Variants in SPEG observed in about 807,000 individuals in gnomAD.
SPEG encodes the protein striated muscle enriched protein kinase.
SPEG carries 114 observed loss-of-function variants against 300.4 expected under a neutral mutation model. That is an observed-to-expected ratio of 0.38 (90% CI 0.33 to 0.44). SPEG has a LOEUF of 0.44. Ranked by LOEUF, SPEG falls within the 20% of genes least tolerant of loss-of-function variation. The probability of loss-of-function intolerance (pLI) is 1.00; values close to 1 mark genes in which losing one functional copy is unlikely to be tolerated. For synonymous variants in SPEG, 1,964 were observed against 2,018.9 expected (o/e 0.97, Z 0.73); for missense variants, 4,201 against 4,586.2 (o/e 0.92, Z 2.43).
intron 1 of SPEG, chr2:219,441,371 C>G (rs1688904569): frequency 2.7e-6 from 1 of 368,430 alleles, no homozygotes; most frequent in South Asian, 2.0e-5. Flanking sequence ...AAAGCCCTCT[C>G]TGGCTTTCTT....
In SPEG at chr2:219,434,884, C is replaced by T. The variant is rs971041887; in HGVS notation, c.-94C>T. The T allele has an allele frequency of 1.9e-5, 16 of 837,168 alleles. No individual in the cohort carries two copies. The highest frequency in any genetic ancestry group is 2.8e-5 in the Non-Finnish European group (16 of 579,772). 51.9% of individuals were successfully genotyped at this position (837,168 alleles called of 1,614,324 possible). On this transcript the variant is annotated 5_prime_UTR_variant, in exon 1 of 41. Coordinates refer to ENST00000312358, the MANE Select transcript of SPEG (RefSeq NM_005876.5). ...GGGCGGGCAGCAGGAAGGCAGGCCGCCGGCCCCCCAGACTTGTCTCCTAGG... is the reference window on the plus strand; with the variant it reads ...GGGCGGGCAGCAGGAAGGCAGGCCGTCGGCCCCCCAGACTTGTCTCCTAGG...
At chr2:219,461,092 C>T (rs543652078) in intron 6 of SPEG, 27 of 902,570 alleles carry the variant, frequency 3.0e-5, no homozygotes, top group South Asian at 1.5e-4. Flanking sequence ...ATTTGGCAGT[C>T]GGATAGGAGC....
rs1690437714 is a variant in SPEG, at chr2:219,459,191, G to T, written c.2441-2691G>T. 6.6e-6 allele frequency among the ~76,000 whole-genome samples: 1 copy of T among 152,252 alleles called. No homozygotes were observed. Among genetic ancestry groups the T allele is most frequent in the African/African-American group, 2.4e-5 (1 of 41,474 alleles). ...AGTGTGAAGGGGCGGTACTTCCGTG[G>T]TGGGTTGTTCGGGGCCATTGAGTGT... On this transcript the variant is annotated intron_variant, in intron 6 of 40. Coordinates refer to ENST00000312358, the MANE Select transcript of SPEG (RefSeq NM_005876.5). The surrounding 1 kb of genome is among the most constrained non-coding windows in gnomAD (Gnocchi z 4.9).
At chr2:219,474,113 C>A (rs1208004136) in intron 18 of SPEG, 2 of 555,662 alleles carry the variant, frequency 3.6e-6, no homozygotes, top group East Asian at 3.0e-5. Context: ...CGCGGTGGCT[C>A]ACACCTGTAA....
In SPEG at chr2:219,488,714, C is replaced by T. The variant is rs756090957; in HGVS notation, c.8026+49C>T. The T allele has an allele frequency of 5.0e-6, 8 of 1,606,778 alleles. No individual in the cohort carries two copies. In the East Asian group the frequency reaches 1.6e-4, roughly 31 times the overall value. On this transcript the variant is annotated intron_variant, in intron 33 of 40. Coordinates refer to ENST00000312358, the MANE Select transcript of SPEG (RefSeq NM_005876.5). ...GGGGGTAGTGATGGGGATGGTGGGA[C>T]AGGGCTTGAGGGGTTCTTAGCTAGG...
rs151308547 is a variant in SPEG, at chr2:219,449,742, T to C, written c.2113+471T>C. Among the ~76,000 whole-genome samples the C allele has an allele frequency of 2.8e-3, 424 of 152,256 alleles. 2 individuals are homozygous for C. The highest frequency in any genetic ancestry group is 4.7e-3 in the Non-Finnish European group (321 of 68,002). On this transcript the variant is annotated intron_variant, in intron 4 of 40. Coordinates refer to ENST00000312358, the MANE Select transcript of SPEG (RefSeq NM_005876.5). ...ACAGACACGCTTTGTGCCAGATAAC[T>C]CTTTACTCTGCCTCTCCCACCCGGG... is the stretch of plus-strand genomic sequence containing the variant.
Position 219,481,409 on chromosome 2 carries a change from C to T in SPEG, c.5475C>T (p.Ser1825=), listed in dbSNP as rs1692827878. Residue 1825 remains serine (S), a synonymous_variant, in exon 27 of 41, where the codon AGC becomes AGT. Transcript: ENST00000312358. The surrounding 1 kb of genome is among the most constrained non-coding windows in gnomAD (Gnocchi z 5.4). The part of the protein sequence containing the change: ...AFEETTFLSL[S]REARGFLIKV... ...AGGAGACCACATTCCTGAGCCTGAG[C>T]AGGGAGGCCCGGGGCTTCCTCATCA... The T allele has an allele frequency of 6.2e-7, 1 of 1,614,186 alleles. No homozygotes were observed. The highest frequency in any genetic ancestry group is 2.2e-5 in the East Asian group (1 of 44,884).
rs4674403 is a variant in SPEG, at chr2:219,480,395, T to G, written c.5342+255T>G. On this transcript the variant is annotated intron_variant, in intron 25 of 40. Coordinates refer to ENST00000312358, the MANE Select transcript of SPEG (RefSeq NM_005876.5). This position sits in a 1 kb window ranked among gnomAD's most constrained non-coding sequence, Gnocchi z 5.3. ...TGGAAGCCGGGCCTTCCCCTCAGCA[T>G]TCAGCCTGCCTCCTCCAGTAAGGCA... is the stretch of plus-strand genomic sequence containing the variant. Among the ~76,000 whole-genome samples the G allele has an allele frequency of 0.58, 88,517 of 151,614 alleles. 28,487 individuals carry two copies. Among genetic ancestry groups the G allele is most frequent in the East Asian group, 0.84 (4,277 of 5,112 alleles).
At chr2:219,449,767 G>A (rs1257633093) in intron 4 of SPEG, among the ~76,000 whole-genome samples, 1 of 152,112 alleles carries the variant, frequency 6.6e-6, no homozygotes, top group Non-Finnish European at 1.5e-5. Context: ...TCCCACCCGG[G>A]CACCATCCCC....
chr2:219,456,114 T>C (rs1352181901), intron 6 of SPEG, among the ~76,000 whole-genome samples: 1 of 152,226 alleles, frequency 6.6e-6, no homozygotes, highest in Non-Finnish European at 1.5e-5. Context: ...GGAGGGCAAG[T>C]TGGACACTTG....
At position 219,434,845 on chromosome 2, in the gene SPEG, C is replaced by G. The variant is rs1954670428; in HGVS notation, c.-133C>G. On this transcript the variant is annotated 5_prime_UTR_variant, in exon 1 of 41. Transcript: ENST00000312358. ...GCCGCCCCGGTGACCTTCTGGGTAG[C>G]ACAGGCCGAAGGCGGGCGGGCAGCA... is the stretch of plus-strand genomic sequence containing the variant. The G allele has an allele frequency of 3.3e-6, 2 of 599,046 alleles. No individual in the cohort carries two copies. Among genetic ancestry groups the G allele is most frequent in the South Asian group, 4.6e-5 (2 of 43,042 alleles). 37.1% of individuals were successfully genotyped at this position (599,046 alleles called of 1,614,324 possible).
chr2:219,441,979 C>T, intron 1 of SPEG: 1 of 382,740 alleles, frequency 2.6e-6, no homozygotes, highest in Non-Finnish European at 4.3e-6. Flanking sequence ...GCCCCCGGCC[C>T]CGCCTCCGAC....
In SPEG at chr2:219,490,791, G is replaced by T. The variant is rs373312375; in HGVS notation, c.9220G>T (p.Asp3074Tyr). The T allele has an allele frequency of 1.2e-6, 2 of 1,613,988 alleles. No individual in the cohort carries two copies. Among genetic ancestry groups the T allele is most frequent in the Non-Finnish European group, 8.5e-7 (1 of 1,180,040 alleles). The change falls in exon 38 of 41, where the codon GAC (aspartate) becomes TAC (tyrosine). Residue 3074 changes from aspartate to tyrosine, a missense_variant. Asp to Tyr is a radical substitution (Grantham distance 160). Coordinates refer to ENST00000312358, the MANE Select transcript of SPEG (RefSeq NM_005876.5). ...TYMVQLLQGL[D>Y]YLHGHHVLHL... ...CATGGTGCAGCTGCTACAAGGCCTG[G>T]ACTACCTCCACGGCCACCACGTGCT...
Position 219,435,012 on chromosome 2 carries a change from C to A in SPEG, c.35C>A (p.Ala12Glu), listed in dbSNP as rs1446360847. 4.7e-6 allele frequency: 7 copies of A among 1,503,710 alleles called. No individual in the cohort carries two copies. The highest frequency in any genetic ancestry group is 1.4e-5 in the African/African-American group (1 of 69,008). The allele number at this position is 1,503,710 out of a possible 1,614,324, so 93.1% of individuals were successfully genotyped here. A position where few individuals can be genotyped will look rare whatever the true frequency, so the allele number is the denominator to read the frequency against. The change falls in exon 1 of 41, where the codon GCG becomes GAG. Residue 12 changes from alanine to glutamate, a missense_variant. Ala to Glu is a moderately radical substitution (Grantham distance 107, BLOSUM62 -1). Around this residue, in one of 4 missense-constraint regions of SPEG, gnomAD observed 1,258 missense variants for 1,293.9 expected, o/e 0.97. Transcript: ENST00000312358. Reference protein sequence around the residue: ...QKARGTRGEDAGTRAPPSPGV... With the variant: ...QKARGTRGEDEGTRAPPSPGV... ...GCCCGGGGCACGCGAGGCGAGGATG[C>A]GGGCACGAGGGCACCCCCCAGCCCC...
In SPEG at chr2:219,489,510, C is replaced by G. The variant is rs769946258; in HGVS notation, c.8492C>G (p.Ala2831Gly). The change falls in exon 36 of 41, where the codon GCC (alanine) becomes GGC (glycine). Residue 2831 changes from alanine to glycine, a missense_variant. Transcript: ENST00000312358. ...TCTCCCCCCACACCTCCTAGCCAGG[C>G]CTTGTCCTCGCTCAAGGCTGTGGGT... The part of the protein sequence containing the change: ...PSSPPTPPSQ[A>G]LSSLKAVGPP... 6.2e-7 allele frequency: 1 copy of G among 1,612,344 alleles called. No individual in the cohort carries two copies. The highest frequency in any genetic ancestry group is 2.2e-5 in the East Asian group (1 of 44,806).
chr2:219,467,411 C>A lies in SPEG; in HGVS notation c.3119C>A (p.Thr1040Asn). Reference protein sequence around the residue: ...SVHEDDSGVYTCKLSTAKDEL... With the variant: ...SVHEDDSGVYNCKLSTAKDEL... ...CATGAGGACGACAGTGGCGTCTACA[C>A]CTGCAAGCTCAGCACGGCCAAAGGT... The change falls in exon 10 of 41, where the codon ACC (threonine) becomes AAC (asparagine). Residue 1040 changes from threonine to asparagine, a missense_variant. Coordinates refer to ENST00000312358, the MANE Select transcript of SPEG (RefSeq NM_005876.5). The A allele has an allele frequency of 6.2e-7, 1 of 1,608,502 alleles. No homozygotes were observed. Among genetic ancestry groups the A allele is most frequent in the Non-Finnish European group, 8.5e-7 (1 of 1,177,210 alleles).
At position 219,493,075 on chromosome 2, in the gene SPEG, C is replaced by T. The variant is rs1036060790; in HGVS notation, c.*289C>T. On this transcript the variant is annotated 3_prime_UTR_variant, in exon 41 of 41. Coordinates refer to ENST00000312358, the MANE Select transcript of SPEG (RefSeq NM_005876.5). The stretch of plus-strand genomic sequence containing the variant: ...TGGAGAAGTGGAGAGGAAAAGGAAT[C>T]GAGGGACAGGAAGGGGGAGGCTCTA... 26 of 656,120 alleles carry T rather than the reference C, an allele frequency of 4.0e-5. No homozygotes were observed. The highest frequency in any genetic ancestry group is 8.9e-5 in the African/African-American group (5 of 56,228). 40.6% of individuals were successfully genotyped at this position (656,120 alleles called of 1,614,324 possible).
chr2:219,466,007 A>T (rs1243737777), intron 9 of SPEG: 1 of 1,541,430 alleles, frequency 6.5e-7, no homozygotes. Context: ...GCGTGCGCGT[A>T]TGCTGCACTA....
In SPEG at chr2:219,443,296, C is replaced by T. The variant is rs1035366956; in HGVS notation, c.389-1357C>T. 3.0e-5 allele frequency: 26 copies of T among 853,968 alleles called. No individual in the cohort carries two copies. The highest frequency in any genetic ancestry group is 2.1e-4 in the African/African-American group (13 of 60,558). The allele number at this position is 853,968 out of a possible 1,614,324, so 52.9% of individuals were successfully genotyped here. A position where few individuals can be genotyped will look rare whatever the true frequency, so the allele number is the denominator to read the frequency against. On this transcript the variant is annotated intron_variant, in intron 1 of 40. Coordinates refer to ENST00000312358, the MANE Select transcript of SPEG (RefSeq NM_005876.5). This position sits in a 1 kb window ranked among gnomAD's most constrained non-coding sequence, Gnocchi z 4.6. ...CCCCCACACTTATCTACCACCCACC[C>T]GACCAGGCCCCCTGTGCCCTACAGC...
Sources: gnomAD v4.1 joint callset for allele counts (sites outside exome capture counted in the v4.1 genomes callset) on GRCh38, gnomAD v4.1.1 for gene constraint, gnomAD v4.1.1 regional missense constraint, Gnocchi (gnomAD v3.1) non-coding constraint, MANE v1.5 for transcripts, NCBI Gene and HGNC (gene_info 2026-07-23, HGNC 2026-07-21) for gene names.